The following ZNF420 variants were observed in gnomAD, a reference collection of about 807,000 sequenced individuals.
ZNF420 encodes ATM and p53-associated KZNF protein.
Under a neutral mutation model 44.7 loss-of-function variants are expected in ZNF420, and 31 were observed. The ratio of observed to expected loss-of-function variants is 0.69; its 90% CI spans 0.52 to 0.94. ZNF420 has a LOEUF of 0.94. ZNF420 is among the 40% of genes least tolerant of loss of function. ZNF420 has a pLI of 0.00. For synonymous variants in ZNF420, 245 were observed against 267.4 expected (o/e 0.92, Z 0.82); for missense variants, 681 against 827.9 (o/e 0.82, Z 2.18).
chr19:37,090,144 A>G (rs1969048243), intron 3 of ZNF420, among the ~76,000 whole-genome samples: 2 of 152,168 alleles, frequency 1.3e-5, no homozygotes, highest in Non-Finnish European at 2.9e-5. Flanking sequence ...TACTTCTTTT[A>G]ATTGGGACAT....
intron 1 of ZNF420, among the ~76,000 whole-genome samples, chr19:37,049,768 G>A (rs1488213324): frequency 1.3e-5 from 2 of 152,280 alleles, no homozygotes; most frequent in Non-Finnish European, 2.9e-5. Flanking sequence ...TGCTTTTGGT[G>A]TTTTAACATG....
Position 37,128,246 on chromosome 19 carries a change from T to G in ZNF420, c.1255T>G (p.Tyr419Asp), listed in dbSNP as rs1375968507. ...GAGAATACACACTGGTGAGAAACCC[T>G]ATCAATGTAAGGAATGTGGAAAAGC... Reference protein sequence around the residue: ...HQRIHTGEKPYQCKECGKAFN... With the variant: ...HQRIHTGEKPDQCKECGKAFN... Residue 419 changes from tyrosine (Y) to aspartate (D), a missense_variant, in exon 5 of 5, where the codon TAT becomes GAT. Coordinates refer to ENST00000337995, the MANE Select transcript of ZNF420 (RefSeq NM_144689.5). The G allele has an allele frequency of 5.0e-6, 8 of 1,613,950 alleles. No homozygotes were observed. The highest frequency in any genetic ancestry group is 1.3e-5 in the African/African-American group (1 of 74,908).
chr19:37,116,390 A>AG (rs1456653769), intron 4 of ZNF420, among the ~76,000 whole-genome samples: 1 of 149,292 alleles, frequency 6.7e-6, no homozygotes, highest in African/African-American at 2.5e-5. Context: ...AAAAAAAAAA[A>AG]GAATGCACCA....
intron 4 of ZNF420, among the ~76,000 whole-genome samples, chr19:37,104,356 A>G (rs1421220973): frequency 6.6e-6 from 1 of 151,942 alleles, no homozygotes. Flanking sequence ...TGGTGTATAT[A>G]TGCCACATTT....
intron 2 of ZNF420, among the ~76,000 whole-genome samples, chr19:37,083,473 C>A (rs956399493): frequency 6.6e-6 from 1 of 152,136 alleles, no homozygotes; most frequent in Admixed American, 6.5e-5. Context: ...TTTTCAGCAT[C>A]TTTCAAAGCT....
intron 1 of ZNF420, among the ~76,000 whole-genome samples, chr19:37,009,449 G>C (rs8110696): frequency 6.6e-6 from 1 of 151,988 alleles, no homozygotes; most frequent in Non-Finnish European, 1.5e-5. Flanking sequence ...CTGGACACCA[G>C]TGTTCGTCTC....
Position 37,127,497 on chromosome 19 carries a change from G to A in ZNF420, c.506G>A (p.Cys169Tyr), listed in dbSNP as rs761622885. The change falls in exon 5 of 5, where the codon TGT becomes TAT. Residue 169 changes from cysteine to tyrosine, a missense_variant. This residue lies in a region of ZNF420 where 350 missense variants were observed against 382.5 expected (regional missense o/e 0.92). Coordinates refer to ENST00000337995, the MANE Select transcript of ZNF420 (RefSeq NM_144689.5). ...CATACTGGTGAAAAACCCTATGAAT[G>A]TAAGCAATGCGGGAAGGCCTTTAGT... is the stretch of plus-strand genomic sequence containing the variant. ...SIHTGEKPYE[C>Y]KQCGKAFSRD... The A allele has an allele frequency of 4.3e-6, 7 of 1,614,018 alleles. No individual in the cohort carries two copies. Among genetic ancestry groups the A allele is most frequent in the Non-Finnish European group, 5.9e-6 (7 of 1,179,910 alleles).
At chr19:37,059,814 C>T (rs1299373466) in intron 1 of ZNF420, among the ~76,000 whole-genome samples, 2 of 151,860 alleles carry the variant, frequency 1.3e-5, no homozygotes, top group African/African-American at 4.8e-5. Flanking sequence ...CTCTCTCTCA[C>T]TCTATCTCTG....
intron 1 of ZNF420, among the ~76,000 whole-genome samples, chr19:37,033,101 A>G (rs1164852621): frequency 2.6e-5 from 4 of 152,222 alleles, no homozygotes; most frequent in Non-Finnish European, 4.4e-5. Flanking sequence ...GGGAGACTTC[A>G]TTTTAGCTGT....
At position 37,029,324 on chromosome 19, in the gene ZNF420, G is replaced by T. The variant is rs370332121; in HGVS notation, c.-125+21242G>T. On this transcript the variant is annotated intron_variant, in intron 1 of 4. Transcript: ENST00000587029. ...AGAGTCATGAGGAAGTTGAGGAAAT[G>T]GGAAATGCAAAGTCCTAATCAAAGC... Among the ~76,000 whole-genome samples, 15 of 152,204 alleles carry T rather than the reference G, an allele frequency of 9.9e-5. No homozygotes were observed. The East Asian group carries it at 2.3e-3, about 24-fold the overall frequency.
chr19:37,049,401 C>G (rs7508372), intron 1 of ZNF420, among the ~76,000 whole-genome samples: 6 of 152,244 alleles, frequency 3.9e-5, no homozygotes, highest in African/African-American at 1.2e-4. Context: ...TATTAATGAC[C>G]GCCATTCTAA....
chr19:37,124,690 A>G (rs1971248015), intron 4 of ZNF420, among the ~76,000 whole-genome samples: 2 of 151,714 alleles, frequency 1.3e-5, no homozygotes, highest in African/African-American at 4.8e-5. Flanking sequence ...TTTATGAGCC[A>G]GAGTCTCGCT....
chr19:37,066,804 G>T (rs1045045063), intron 1 of ZNF420, among the ~76,000 whole-genome samples: 10 of 152,080 alleles, frequency 6.6e-5, no homozygotes, highest in African/African-American at 2.4e-4. Flanking sequence ...TTACCCCAGA[G>T]AAATGAAAAC....
chr19:37,094,145 C>T (rs1306562646), intron 4 of ZNF420, among the ~76,000 whole-genome samples: 2 of 151,978 alleles, frequency 1.3e-5, no homozygotes, highest in Non-Finnish European at 2.9e-5. Context: ...AAATGTTTAG[C>T]CATGTTTGAT....
intron 1 of ZNF420, among the ~76,000 whole-genome samples, chr19:37,018,865 C>T (rs543726707): frequency 6.6e-6 from 1 of 152,176 alleles, no homozygotes; most frequent in African/African-American, 2.4e-5. Context: ...TCACTGTGCC[C>T]AGCCAAAGTT....
chr19:37,128,987 A>T lies in ZNF420; in HGVS notation c.1996A>T (p.Ile666Phe). The T allele has an allele frequency of 3.7e-6, 6 of 1,614,094 alleles. No individual in the cohort carries two copies. Among genetic ancestry groups the T allele is most frequent in the Non-Finnish European group, 5.1e-6 (6 of 1,179,966 alleles). Residue 666 changes from isoleucine to phenylalanine, a missense_variant, in exon 5 of 5, where the codon ATC (isoleucine) becomes TTC (phenylalanine). Ile to Phe is a conservative substitution (Grantham distance 21, BLOSUM62 0). Coordinates refer to ENST00000337995, the MANE Select transcript of ZNF420 (RefSeq NM_144689.5). The part of the protein sequence containing the change: ...SQLTQHQRIH[I>F]SEKSFEYKEC... The stretch of plus-strand genomic sequence containing the variant: ...GCTAACTCAACATCAGAGAATTCAT[A>T]TCAGTGAGAAATCTTTTGAATATAA...
chr19:37,028,831 G>C (rs1160759246), intron 1 of ZNF420, among the ~76,000 whole-genome samples: 3 of 152,190 alleles, frequency 2.0e-5, no homozygotes, highest in Non-Finnish European at 4.4e-5. Flanking sequence ...TGTTGAATAA[G>C]TGGCAAGGCT....
chr19:37,026,085 G>A (rs56144206), intron 1 of ZNF420, among the ~76,000 whole-genome samples: 49,471 of 151,772 alleles, frequency 0.33, 8,299 homozygotes, highest in Non-Finnish European at 0.35. Context: ...AGGCAGAGGC[G>A]GGCGGATGAC....
chr19:37,056,644 G>A (rs1359150569), intron 1 of ZNF420, among the ~76,000 whole-genome samples: 1 of 152,178 alleles, frequency 6.6e-6, no homozygotes, highest in East Asian at 1.9e-4. Context: ...AGGCCCATGG[G>A]ATCTTTCTGT....
Sources: allele counts gnomAD v4.1 joint callset (sites outside exome capture counted in the v4.1 genomes callset), GRCh38; gene constraint gnomAD v4.1.1; regional missense constraint gnomAD v4.1.1; transcripts MANE v1.5; gene names NCBI Gene and HGNC (gene_info 2026-07-23, HGNC 2026-07-21).